Variants in CCDC183 observed in about 807,000 individuals in gnomAD.
CCDC183 encodes the protein coiled-coil domain containing 183, also known as coiled-coil domain-containing protein 183.
A neutral mutation model predicts 65.2 loss-of-function variants in CCDC183; 63 were observed. That is an observed-to-expected ratio of 0.97 (90% CI 0.79 to 1.19). The LOEUF (loss-of-function observed/expected upper bound fraction) is 1.19, where lower values mean the gene tolerates loss of function less well. Among genes scored for constraint, CCDC183 ranks in the 50% most tolerant of loss-of-function variants. CCDC183 has a pLI of 0.00. For missense variants in CCDC183, 769 were observed against 689.3 expected (o/e 1.12, Z -1.30); for synonymous variants, 323 against 276.5 (o/e 1.17, Z -1.67).
rs369725195 is a variant in CCDC183 at position 136,806,569 on chromosome 9, C to T, written c.1175C>T (p.Ala392Val). 1.6e-5 allele frequency: 26 copies of T among 1,613,538 alleles called. No homozygotes were observed. Among genetic ancestry groups the T allele is most frequent in the South Asian group, 3.3e-5 (3 of 91,086 alleles). ...GAGGAAGAAGAGAGGCTCCAGCTGG[C>T]GCACAGCAACATGACCAAGGGCCAG... Reference protein sequence around the residue: ...LKEEEERLQLAHSNMTKGQEL... With the variant: ...LKEEEERLQLVHSNMTKGQEL... Residue 392 changes from alanine to valine, a missense_variant, in exon 11 of 14, where the codon GCG (alanine) becomes GTG (valine). By Grantham distance (64) the Ala-to-Val change is moderately conservative. Coordinates refer to ENST00000338005, the MANE Select transcript of CCDC183 (RefSeq NM_001039374.5).
rs1847844720 is a variant in CCDC183, at chr9:136,806,199, A to C, written c.1070A>C (p.Glu357Ala). ...CTGGTGAAGCAGCTGGAGCTGGAGGAGGCCGTGCTCAAGTTCCGCCAGAAG... is the reference window on the plus strand; with the variant it reads ...CTGGTGAAGCAGCTGGAGCTGGAGGCGGCCGTGCTCAAGTTCCGCCAGAAG... ...KALVKQLELE[E>A]AVLKFRQKPS... Residue 357 changes from glutamate to alanine, a missense_variant, in exon 10 of 14, where the codon GAG (glutamate) becomes GCG (alanine). Glu to Ala is a moderately radical substitution (Grantham distance 107). Transcript: ENST00000338005. 6.3e-7 allele frequency: 1 copy of C among 1,576,428 alleles called. No individual in the cohort carries two copies. Among genetic ancestry groups the C allele is most frequent in the African/African-American group, 1.4e-5 (1 of 73,894 alleles).
In CCDC183 at chr9:136,805,354, C is replaced by T; in HGVS notation, c.848-3C>T. ...TGACTGCCCCTCCCCTCTGCTCTGC[C>T]AGTGAGGAGAAAAGAGACCTCCACA... On this transcript the variant is annotated splice_polypyrimidine_tract_variant and splice_region_variant and intron_variant, in intron 8 of 13. Coordinates refer to ENST00000338005, the MANE Select transcript of CCDC183 (RefSeq NM_001039374.5). 1.2e-6 allele frequency: 2 copies of T among 1,611,856 alleles called. No individual in the cohort carries two copies. Among genetic ancestry groups the T allele is most frequent in the Non-Finnish European group, 1.7e-6 (2 of 1,178,988 alleles).
rs904965210 is a variant in CCDC183 at position 136,806,982 on chromosome 9, G to T, written c.1402G>T (p.Val468Leu). 1.2e-6 allele frequency: 2 copies of T among 1,613,736 alleles called. No individual in the cohort carries two copies. The highest frequency in any genetic ancestry group is 3.3e-5 in the Admixed American group (2 of 60,028). The change falls in exon 13 of 14, where the codon GTG (valine) becomes TTG (leucine). Residue 468 changes from valine to leucine, a missense_variant. Coordinates refer to ENST00000338005, the MANE Select transcript of CCDC183 (RefSeq NM_001039374.5). ...CTTTGCCCTGCAGGGCGACACAAAG[G>T]TGAGGGACACCCTGGAGTCCTCGAC... is the stretch of plus-strand genomic sequence containing the variant. ...VSRTEEGDTK[V>L]RDTLESSTLM...
At chr9:136,798,382 C>T (rs1261412112) in intron 1 of CCDC183, among the ~76,000 whole-genome samples, 2 of 152,018 alleles carry the variant, frequency 1.3e-5, no homozygotes, top group Non-Finnish European at 2.9e-5. Flanking sequence ...CTCACTGCAA[C>T]CTCCACCTCC....
chr9:136,806,782 T>C lies in CCDC183; in HGVS notation c.1304T>C (p.Leu435Pro). 2 of 1,613,522 alleles carry C rather than the reference T, an allele frequency of 1.2e-6. No individual in the cohort carries two copies. The highest frequency in any genetic ancestry group is 1.7e-6 in the Non-Finnish European group (2 of 1,179,992). The change falls in exon 12 of 14, where the codon CTC becomes CCC. Residue 435 changes from leucine (L) to proline (P), a missense_variant. Transcript: ENST00000338005. The part of the protein sequence containing the change: ...TQREVVLSNT[L>P]DLNSKLAYCE... Reference sequence around the variant, plus strand: ...AGAGAAGTGGTGCTCTCCAACACCCTCGATTTGAACAGCAAGCTGGCGTAC... The same window carrying C: ...AGAGAAGTGGTGCTCTCCAACACCCCCGATTTGAACAGCAAGCTGGCGTAC...
Position 136,800,085 on chromosome 9 carries a change from G to A in CCDC183, c.354G>A (p.Gly118=), listed in dbSNP as rs1400296221. 2.6e-6 allele frequency: 4 copies of A among 1,568,506 alleles called. No homozygotes were observed. The highest frequency in any genetic ancestry group is 3.5e-6 in the Non-Finnish European group (4 of 1,158,666). The change falls in exon 4 of 14, where the codon GGG becomes GGA. Residue 118 remains glycine (G), a synonymous_variant. Transcript: ENST00000338005. ...NLLIHLVRRR[G]QKLESMQLEL... is the part of the protein sequence containing the mutation. Reference sequence around the variant, plus strand: ...TGATCCACCTGGTGCGGCGGCGCGGGCAGAAGCTGGAGAGCATGCAGCTGG... The same window carrying A: ...TGATCCACCTGGTGCGGCGGCGCGGACAGAAGCTGGAGAGCATGCAGCTGG...
intron 5 of CCDC183, among the ~76,000 whole-genome samples, chr9:136,802,235 C>CTG (rs5901108): frequency 0.54 from 81,580 of 151,822 alleles, 22,502 homozygotes; most frequent in African/African-American, 0.65. Flanking sequence ...AATGGGGACA[C>CTG]AGAGAGATTA....
intron 13 of CCDC183, 36 bp downstream of exon 13, chr9:136,807,102 G>T: frequency 1.2e-6 from 2 of 1,603,224 alleles, no homozygotes; most frequent in South Asian, 2.2e-5. Flanking sequence ...GGCTGCAGGC[G>T]GGTGGCTGGA....
intron 5 of CCDC183, 25 bp downstream of exon 5, chr9:136,800,518 C>CG (rs1181314188): frequency 2.2e-6 from 2 of 926,790 alleles, no homozygotes; most frequent in South Asian, 2.7e-5. Flanking sequence ...CCGGGAAGGG[C>CG]GGGGGTCAGG....
In CCDC183 at chr9:136,807,203, C is replaced by G. The variant is rs545879708; in HGVS notation, c.1486+137C>G. 4 of 761,118 alleles carry G rather than the reference C, an allele frequency of 5.3e-6. No individual in the cohort carries two copies. The East Asian group carries it at 1.1e-4, about 20-fold the overall frequency. The allele number at this position is 761,118 out of a possible 1,614,324, so 47.1% of individuals were successfully genotyped here. A position where few individuals can be genotyped will look rare whatever the true frequency, so the allele number is the denominator to read the frequency against. On this transcript the variant is annotated intron_variant, in intron 13 of 13. Coordinates refer to ENST00000338005, the MANE Select transcript of CCDC183 (RefSeq NM_001039374.5). ...GGGTGCATCAGTTGTACCTGCAGGA[C>G]TTTAATTGATGGAGGTGACTTAGTG...
intron 13 of CCDC183, 92 bp downstream of exon 13, chr9:136,807,158 G>A (rs1588338636): frequency 8.5e-7 from 1 of 1,177,744 alleles, no homozygotes. Context: ...GGGACATCCT[G>A]GAGGGACAGC....
chr9:136,807,447 C>T lies in CCDC183; in HGVS notation c.1487-125C>T, dbSNP rs539498768. 5 of 1,245,728 alleles carry T rather than the reference C, an allele frequency of 4.0e-6. No individual in the cohort carries two copies. In the African/African-American group the frequency reaches 7.7e-5, roughly 19 times the overall value. 77.2% of individuals were successfully genotyped at this position (1,245,728 alleles called of 1,614,324 possible). On this transcript the variant is annotated intron_variant, in intron 13 of 13. Transcript: ENST00000338005. ...TGGGCTGGGCTGAGTCCTCCCGGCA[C>T]GCTGGGGCTGTCCCTGGGGCAAGGC...
rs1847863797 is a variant in CCDC183, at chr9:136,806,835, G to A, written c.1357G>A (p.Asp453Asn). The stretch of plus-strand genomic sequence containing the variant: ...CGAGGGGAAGCTCACGTACCTGGCT[G>A]ACAGAGTGCAGATGGTGTCCAGGAC... ...YCEGKLTYLADRVQMVSRTEE... is the reference protein window; with the variant it reads ...YCEGKLTYLANRVQMVSRTEE... The change falls in exon 12 of 14, where the codon GAC becomes AAC. Residue 453 changes from aspartate to asparagine, a missense_variant. Physicochemically the swap from Asp to Asn is conservative, Grantham distance 23. Transcript: ENST00000338005. 6.2e-7 allele frequency: 1 copy of A among 1,613,476 alleles called. No homozygotes were observed. The highest frequency in any genetic ancestry group is 1.7e-5 in the Admixed American group (1 of 60,000).
At position 136,804,954 on chromosome 9, in the gene CCDC183, C is replaced by T. The variant is rs1847816600; in HGVS notation, c.847+138C>T. 1 of 717,438 alleles carries T rather than the reference C, an allele frequency of 1.4e-6. No homozygotes were observed. Among genetic ancestry groups the T allele is most frequent in the Non-Finnish European group, 2.3e-6 (1 of 429,858 alleles). The allele number at this position is 717,438 out of a possible 1,614,324, so 44.4% of individuals were successfully genotyped here. ...GGGTGAAGGGAAGGACAGGTCCCTG[C>T]CTCTCCCTCCAGAGGCTGAGAGCCT... On this transcript the variant is annotated intron_variant, in intron 8 of 13. Coordinates refer to ENST00000338005, the MANE Select transcript of CCDC183 (RefSeq NM_001039374.5). This position sits in a 1 kb window ranked among gnomAD's most constrained non-coding sequence, Gnocchi z 4.1.
intron 9 of CCDC183, chr9:136,805,667 T>C (rs1373873316): frequency 3.5e-6 from 2 of 572,724 alleles, no homozygotes; most frequent in Non-Finnish European, 3.1e-6. Flanking sequence ...CTGCGTTTAT[T>C]ATTATTAGGC....
intron 5 of CCDC183, 30 bp from the exon 6 acceptor site, chr9:136,802,634 G>A (rs781692482): frequency 7.5e-6 from 12 of 1,590,386 alleles, no homozygotes; most frequent in Non-Finnish European, 1.0e-5. Context: ...CCACTCTGTA[G>A]GGGCCACAAG....
In CCDC183 at chr9:136,807,349, G is replaced by T. The variant is rs1048356305; in HGVS notation, c.1487-223G>T. ...GGGCTGGAGCAGGGAGGAGCGCGGT[G>T]AAGGCCTGGGCCGGAGCTTCCACTG... On this transcript the variant is annotated intron_variant, in intron 13 of 13. Coordinates refer to ENST00000338005, the MANE Select transcript of CCDC183 (RefSeq NM_001039374.5). The T allele has an allele frequency of 8.9e-5, 61 of 682,012 alleles. No homozygotes were observed. The East Asian group carries it at 1.7e-3, about 19-fold the overall frequency. 42.2% of individuals were successfully genotyped at this position (682,012 alleles called of 1,614,324 possible).
intron 5 of CCDC183, 151 bp downstream of exon 5, chr9:136,800,644 G>T (rs765382129): frequency 2.9e-5 from 18 of 612,350 alleles, no homozygotes; most frequent in African/African-American, 2.6e-4. Context: ...TGTGGAAAAC[G>T]TTTTTTTAAA....
rs1018923157 is a variant in CCDC183, at chr9:136,799,243, C to T, written c.192+20C>T. On this transcript the variant is annotated intron_variant, in intron 2 of 13. Coordinates refer to ENST00000338005, the MANE Select transcript of CCDC183 (RefSeq NM_001039374.5). The stretch of plus-strand genomic sequence containing the variant: ...AAGAAGGTACACAAACGCCGCCCCT[C>T]CCCTCTGCCTGGCGAGCAGGGCAGG... 1 of 1,581,388 alleles carries T rather than the reference C, an allele frequency of 6.3e-7. No individual in the cohort carries two copies. Among genetic ancestry groups the T allele is most frequent in the Non-Finnish European group, 8.6e-7 (1 of 1,164,844 alleles).
Sources: allele counts gnomAD v4.1 joint callset (sites outside exome capture counted in the v4.1 genomes callset), GRCh38; gene constraint gnomAD v4.1.1; non-coding constraint Gnocchi (gnomAD v3.1); transcripts MANE v1.5; gene names NCBI Gene and HGNC (gene_info 2026-07-23, HGNC 2026-07-21).